POLR3E: variants seen among roughly 807,000 people sequenced by gnomAD.
POLR3E encodes the protein DNA-directed RNA polymerase III subunit RPC5.
Under a neutral mutation model 96.6 loss-of-function variants are expected in POLR3E, and 41 were observed. That is an observed-to-expected ratio of 0.42 (90% CI 0.33 to 0.55). POLR3E has a LOEUF of 0.55. Ranked by LOEUF, POLR3E falls within the 20% of genes least tolerant of loss-of-function variation. The pLI is 0.06. For missense variants in POLR3E, 849 were observed against 952.1 expected (o/e 0.89, Z 1.43); for synonymous variants, 396 against 383.6 (o/e 1.03, Z -0.38).
chr16:22,316,418 C>T (rs1401607079), intron 9 of POLR3E, among the ~76,000 whole-genome samples, 183 bp from the exon 10 acceptor site: 1 of 152,138 alleles, frequency 6.6e-6, no homozygotes, highest in Non-Finnish European at 1.5e-5. Flanking sequence ...TGGGGCTGGG[C>T]AGGTCATAAG....
chr16:22,309,542 C>A, intron 6 of POLR3E, 32 bp downstream of exon 6: 159 of 1,290,792 alleles, frequency 1.2e-4, no homozygotes, highest in Non-Finnish European at 1.5e-4. Context: ...GCGGTGGGGA[C>A]ATGGCATTGG....
intron 3 of POLR3E, among the ~76,000 whole-genome samples, chr16:22,306,557 T>G (rs555329861): frequency 5.0e-4 from 76 of 152,268 alleles, no homozygotes; most frequent in African/African-American, 1.8e-3. Context: ...CCAGCCAATA[T>G]TTGATCTTTT....
chr16:22,325,679 G>A, intron 17 of POLR3E, 82 bp from the exon 18 acceptor site: 14 of 1,454,094 alleles, frequency 9.6e-6, no homozygotes, highest in Non-Finnish European at 1.3e-5. Flanking sequence ...GGGACCACTT[G>A]CTGCAGCCCC....
intron 16 of POLR3E, 41 bp downstream of exon 16, chr16:22,324,701 A>G: frequency 1.9e-6 from 3 of 1,604,454 alleles, no homozygotes; most frequent in Non-Finnish European, 2.6e-6. Flanking sequence ...CGGTGATCCC[A>G]GCAACCCTGC....
At chr16:22,325,552 TG>T (rs1250921454) in intron 17 of POLR3E, among the ~76,000 whole-genome samples, 1 of 152,012 alleles carries the variant, frequency 6.6e-6, no homozygotes, top group African/African-American at 2.4e-5. Context: ...GAAGAGCTGC[TG>T]GGGGGAGGAA....
chr16:22,324,863 A>G (rs1598270469), intron 16 of POLR3E, among the ~76,000 whole-genome samples: 1 of 152,148 alleles, frequency 6.6e-6, no homozygotes. Context: ...TTGCTGGCTG[A>G]TCCCACCATC....
intron 10 of POLR3E, 111 bp downstream of exon 10, chr16:22,316,797 A>C: frequency 9.8e-7 from 1 of 1,024,896 alleles, no homozygotes; most frequent in Non-Finnish European, 1.5e-6. Flanking sequence ...ATGAGGGTGG[A>C]GCCCATTGTC....
chr16:22,332,199 G>T lies in POLR3E; in HGVS notation c.2070+14G>T. The T allele has an allele frequency of 6.2e-7, 1 of 1,609,124 alleles. No individual in the cohort carries two copies. Among genetic ancestry groups the T allele is most frequent in the Non-Finnish European group, 8.5e-7 (1 of 1,176,960 alleles). On this transcript the variant is annotated intron_variant, in intron 20 of 20. Transcript: ENST00000299853. Reference sequence around the variant, plus strand: ...AAAGTACTAAAGGTACATCCATTTTGTGCATAACAAACAATATCAAAGGCT... The same window carrying T: ...AAAGTACTAAAGGTACATCCATTTTTTGCATAACAAACAATATCAAAGGCT...
chr16:22,313,533 C>A lies in POLR3E; in HGVS notation c.365-87C>A. The stretch of plus-strand genomic sequence containing the variant: ...GAATGGGAGGCGGTTTGATGGTGGG[C>A]CTAGGCCTTCACGGGACTTGGTGAC... On this transcript the variant is annotated intron_variant, in intron 6 of 20. Transcript: ENST00000299853. The surrounding 1 kb of genome is among the most constrained non-coding windows in gnomAD (Gnocchi z 4.1). 1 of 811,766 alleles carries A rather than the reference C, an allele frequency of 1.2e-6. No individual in the cohort carries two copies. The highest frequency in any genetic ancestry group is 2.1e-6 in the Non-Finnish European group (1 of 467,900). 50.3% of individuals were successfully genotyped at this position (811,766 alleles called of 1,614,324 possible). A position where few individuals can be genotyped will look rare whatever the true frequency, so the allele number is the denominator to read the frequency against.
In POLR3E at chr16:22,313,843, T is replaced by C. The variant is rs1220505820; in HGVS notation, c.472+116T>C. The C allele has an allele frequency of 2.8e-5, 21 of 745,488 alleles. No homozygotes were observed. In the Admixed American group the frequency reaches 4.7e-4, roughly 17 times the overall value. The allele number at this position is 745,488 out of a possible 1,614,324, so 46.2% of individuals were successfully genotyped here. On this transcript the variant is annotated intron_variant, in intron 7 of 20. Coordinates refer to ENST00000299853, the MANE Select transcript of POLR3E (RefSeq NM_018119.4). The surrounding 1 kb of genome is among the most constrained non-coding windows in gnomAD (Gnocchi z 4.1). ...TTTAGCAGGATCCCTGGCCTCTACC[T>C]ACTAGATGCCAGAAGCACCCACCCC...
chr16:22,333,514 GT>G, intron 20 of POLR3E, 129 bp from the exon 21 acceptor site: 2 of 679,182 alleles, frequency 2.9e-6, no homozygotes, highest in Non-Finnish European at 5.4e-6. Context: ...TGGTGGTATG[GT>G]TAGGCAGTTT....
intron 5 of POLR3E, 191 bp downstream of exon 5, chr16:22,309,231 C>T (rs1276250863): frequency 1.2e-5 from 8 of 680,934 alleles, no homozygotes; most frequent in South Asian, 3.3e-5. Flanking sequence ...ACCCACTCCT[C>T]GTCTCTTGGT....
chr16:22,307,367 T>A (rs1031924248), intron 3 of POLR3E, among the ~76,000 whole-genome samples: 1 of 152,154 alleles, frequency 6.6e-6, no homozygotes, highest in African/African-American at 2.4e-5. Flanking sequence ...CTCCTTGCGC[T>A]AGAATGTAGC....
chr16:22,309,428 G>C lies in POLR3E; in HGVS notation c.282G>C (p.Ser94=), dbSNP rs1270966848. ...GACGTTGCTTCTCCCTGTGCTCCAG[G>C]AAGCTGATGGACAAGCAGACCTTCT... ...ACADETSTYS[S]KLMDKQTFCS... The change falls in exon 6 of 21, where the codon TCG becomes TCC. Residue 94 remains serine, a splice_region_variant and synonymous_variant. Transcript: ENST00000299853. 6.2e-7 allele frequency: 1 copy of C among 1,612,672 alleles called. No individual in the cohort carries two copies. Among genetic ancestry groups the C allele is most frequent in the South Asian group, 1.1e-5 (1 of 91,068 alleles).
chr16:22,305,364 G>A, intron 3 of POLR3E, 158 bp downstream of exon 3: 1 of 717,832 alleles, frequency 1.4e-6, no homozygotes, highest in East Asian at 2.6e-5. Context: ...GGTTAATATT[G>A]GTCTCATTTC....
In POLR3E at chr16:22,328,385, A is replaced by T. The variant is rs561104830; in HGVS notation, c.1867-125A>T. ...CCCAAGGCCCTCAGAGATGGTGAGT[A>T]GCAGAAGCTGGGATTGGAACCCATG... On this transcript the variant is annotated intron_variant, in intron 18 of 20. Transcript: ENST00000299853. 2.1e-3 allele frequency: 1,606 copies of T among 769,146 alleles called. 8 individuals are homozygous for T. The highest frequency in any genetic ancestry group is 2.7e-3 in the Non-Finnish European group (1,176 of 442,682). The allele number at this position is 769,146 out of a possible 1,614,324, so 47.6% of individuals were successfully genotyped here.
rs955300610 is a variant in POLR3E at position 22,318,346 on chromosome 16, G to A, written c.866-480G>A. 9.2e-5 allele frequency among the ~76,000 whole-genome samples: 14 copies of A among 152,060 alleles called. No individual in the cohort carries two copies. Among genetic ancestry groups the A allele is most frequent in the Non-Finnish European group, 2.1e-4 (14 of 68,004 alleles). ...TGGCCTCAAGTGATCTGCCTCCCTC[G>A]GCCTCCCAAAGTGCTGTGATTACAG... On this transcript the variant is annotated intron_variant, in intron 12 of 20. Coordinates refer to ENST00000299853, the MANE Select transcript of POLR3E (RefSeq NM_018119.4). This position sits in a 1 kb window ranked among gnomAD's most constrained non-coding sequence, Gnocchi z 5.0.
chr16:22,309,124 T>C (rs1555481064), intron 5 of POLR3E, 84 bp downstream of exon 5: 4 of 948,322 alleles, frequency 4.2e-6, no homozygotes, highest in South Asian at 3.0e-5. Flanking sequence ...TGACCCCCTT[T>C]GCCCCGTCAC....
chr16:22,308,304 GAGA>G (rs2048176905), intron 4 of POLR3E, 79 bp downstream of exon 4: 1 of 1,092,576 alleles, frequency 9.2e-7, no homozygotes, highest in Admixed American at 1.7e-5. Flanking sequence ...GAGAAGCTCA[GAGA>G]AGGAGTCATT....
Sources: gnomAD v4.1 joint callset for allele counts (sites outside exome capture counted in the v4.1 genomes callset) on GRCh38, gnomAD v4.1.1 for gene constraint, Gnocchi (gnomAD v3.1) non-coding constraint, MANE v1.5 for transcripts, NCBI Gene and HGNC (gene_info 2026-07-23, HGNC 2026-07-21) for gene names.